The following GABPB2 variants were observed in gnomAD, a reference collection of about 807,000 sequenced individuals.
GABPB2 encodes the protein GA-binding protein subunit beta-2.
GABPB2 carries 23 observed loss-of-function variants against 39.1 expected under a neutral mutation model. The ratio of observed to expected loss-of-function variants is 0.59; its 90% confidence interval spans 0.42 to 0.83. The LOEUF is 0.83. GABPB2 is among the 40% of genes least tolerant of loss of function. The pLI is 0.00. For synonymous variants in GABPB2, 184 were observed against 199.3 expected (o/e 0.92, Z 0.65); for missense variants, 467 against 541.1 (o/e 0.86, Z 1.36).
intron 1 of GABPB2, among the ~76,000 whole-genome samples, chr1:151,072,683 T>C (rs1676830495): frequency 6.6e-6 from 1 of 151,960 alleles, no homozygotes; most frequent in African/African-American, 2.4e-5. Context: ...CCATTTCTAC[T>C]AAAAATACAA....
At chr1:151,089,472 C>T (rs913955399) in intron 2 of GABPB2, among the ~76,000 whole-genome samples, 2 of 152,128 alleles carry the variant, frequency 1.3e-5, no homozygotes. Context: ...GGATGACAGA[C>T]TTACTTATTG....
chr1:151,084,298 C>T (rs1215862826), intron 1 of GABPB2, among the ~76,000 whole-genome samples: 1 of 151,572 alleles, frequency 6.6e-6, no homozygotes, highest in Non-Finnish European at 1.5e-5. Context: ...GATCTCGGCT[C>T]ACCGCAACCT....
intron 5 of GABPB2, among the ~76,000 whole-genome samples, chr1:151,099,507 A>G (rs1304746094): frequency 2.0e-5 from 3 of 152,166 alleles, no homozygotes; most frequent in Non-Finnish European, 4.4e-5. Context: ...ATCAGTTAGC[A>G]TCTCCTTTTA....
chr1:151,076,074 T>G (rs766324759), intron 1 of GABPB2, among the ~76,000 whole-genome samples: 1 of 152,138 alleles, frequency 6.6e-6, no homozygotes, highest in Non-Finnish European at 1.5e-5. Flanking sequence ...ATCTGGAAGA[T>G]TAAAAGGTGT....
chr1:151,090,645 G>A, intron 3 of GABPB2, 72 bp downstream of exon 3: 1 of 1,420,120 alleles, frequency 7.0e-7, no homozygotes, highest in Non-Finnish European at 9.8e-7. Context: ...ACTTAAATGG[G>A]TACTAGGAAA....
At chr1:151,089,951 T>C (rs1678527371) in intron 2 of GABPB2, among the ~76,000 whole-genome samples, 1 of 151,708 alleles carries the variant, frequency 6.6e-6, no homozygotes, top group African/African-American at 2.4e-5. Flanking sequence ...TTTTTTTTTT[T>C]TTTTGAGACG....
intron 8 of GABPB2, 56 bp downstream of exon 8, chr1:151,117,572 A>G (rs587741141): frequency 1.3e-6 from 2 of 1,558,760 alleles, no homozygotes; most frequent in South Asian, 1.1e-5. Flanking sequence ...TAAGGCCTGA[A>G]CCCTTCTTCA....
chr1:151,116,129 C>T (rs769880216), intron 7 of GABPB2, among the ~76,000 whole-genome samples: 8 of 151,900 alleles, frequency 5.3e-5, no homozygotes, highest in African/African-American at 1.2e-4. Context: ...TGGTAGCTCA[C>T]GCCTGTAATC....
intron 1 of GABPB2, among the ~76,000 whole-genome samples, chr1:151,080,215 C>CAAAAAA (rs57351502): frequency 9.0e-4 from 27 of 29,988 alleles, no homozygotes; most frequent in Non-Finnish European, 1.1e-3. Context: ...AACTCCATCT[C>CAAAAAA]AAAAAAAAAA....
intron 1 of GABPB2, among the ~76,000 whole-genome samples, chr1:151,079,204 G>A (rs1677441747): frequency 6.6e-6 from 1 of 152,064 alleles, no homozygotes; most frequent in African/African-American, 2.4e-5. Context: ...ATTTGGGTTG[G>A]TTGTCATTTA....
Position 151,123,108 on chromosome 1 carries a change from G to T in GABPB2, c.*4852G>T, listed in dbSNP as rs1345426213. 6.6e-6 allele frequency: 1 copy of T among 152,112 alleles called. No homozygotes were observed. The highest frequency in any genetic ancestry group is 2.4e-5 in the African/African-American group (1 of 41,414). 9.4% of individuals were successfully genotyped at this position (152,112 alleles called of 1,614,324 possible). ...GGGGAAATATTGCTTAGATCTTCTGGGTTAGAGGATTCCAACTGTTTATTG... is the reference window on the plus strand; with the variant it reads ...GGGGAAATATTGCTTAGATCTTCTGTGTTAGAGGATTCCAACTGTTTATTG... On this transcript the variant is annotated 3_prime_UTR_variant, in exon 9 of 9. Transcript: ENST00000368918.
At chr1:151,107,500 CTTTT>C (rs764912164) in intron 7 of GABPB2, among the ~76,000 whole-genome samples, 1 of 143,138 alleles carries the variant, frequency 7.0e-6, no homozygotes, top group Non-Finnish European at 1.5e-5. Flanking sequence ...ACTGATGGCT[CTTTT>C]TTTTTTTTTT....
intron 1 of GABPB2, among the ~76,000 whole-genome samples, chr1:151,080,833 G>A (rs1349655028): frequency 1.3e-5 from 2 of 148,886 alleles, no homozygotes; most frequent in East Asian, 2.0e-4. Flanking sequence ...TCCAGCCTGG[G>A]TAATAGAGGA....
At chr1:151,083,039 T>G (rs892505564) in intron 1 of GABPB2, among the ~76,000 whole-genome samples, 7 of 151,952 alleles carry the variant, frequency 4.6e-5, no homozygotes, top group Non-Finnish European at 7.4e-5. Flanking sequence ...CATCAGTGAA[T>G]TTTTCTATTC....
At chr1:151,074,274 T>C (rs1007182598) in intron 1 of GABPB2, among the ~76,000 whole-genome samples, 1 of 125,450 alleles carries the variant, frequency 8.0e-6, no homozygotes, top group African/African-American at 3.0e-5. Flanking sequence ...CGCGCCCGGC[T>C]GGTTATTTCT....
intron 5 of GABPB2, among the ~76,000 whole-genome samples, chr1:151,101,446 C>T (rs587771646): frequency 2.6e-4 from 39 of 151,864 alleles, no homozygotes; most frequent in African/African-American, 9.4e-4. Flanking sequence ...TGGTGGTGCG[C>T]GCCTGTAGTC....
chr1:151,090,473 G>C lies in GABPB2; in HGVS notation c.176G>C (p.Arg59Pro). 1.2e-6 allele frequency: 2 copies of C among 1,613,988 alleles called. No homozygotes were observed. The highest frequency in any genetic ancestry group is 1.7e-6 in the Non-Finnish European group (2 of 1,179,968). Residue 59 changes from arginine (R) to proline (P), a missense_variant, in exon 3 of 9, where the codon CGA (arginine) becomes CCA (proline). Transcript: ENST00000368918. ...TATTCCACAGCAGAAGTACTCCTTC[G>C]AGCAGGTGTTAGCAGGGATGCCCGG... ...GHYSTAEVLL[R>P]AGVSRDARTK...
At chr1:151,083,499 T>G (rs1177345877) in intron 1 of GABPB2, among the ~76,000 whole-genome samples, 5 of 152,114 alleles carry the variant, frequency 3.3e-5, no homozygotes, top group Non-Finnish European at 7.4e-5. Context: ...CTGGACGTGG[T>G]GGCACATGCC....
At chr1:151,093,083 T>C in intron 3 of GABPB2, 109 bp from the exon 4 acceptor site, 1 of 802,246 alleles carries the variant, frequency 1.2e-6, no homozygotes, top group East Asian at 2.9e-5. Context: ...AAATGTGATC[T>C]AGATTTGAGT....
Sources: allele counts gnomAD v4.1 joint callset (sites outside exome capture counted in the v4.1 genomes callset), GRCh38; gene constraint gnomAD v4.1.1; transcripts MANE v1.5; gene names NCBI Gene and HGNC (gene_info 2026-07-23, HGNC 2026-07-21).